The following SPRY3 variants were observed in gnomAD, a reference collection of about 807,000 sequenced individuals.
SPRY3 encodes protein sprouty homolog 3.
In SPRY3, 15 loss-of-function variants were observed where a neutral mutation model predicts 20.2. That is an observed-to-expected ratio of 0.74 (90% CI 0.50 to 1.14). SPRY3 has a LOEUF of 1.14. SPRY3 is among the 50% of genes most tolerant of loss of function. The pLI, the probability that SPRY3 is intolerant of heterozygous loss-of-function variation, is 0.00. For missense variants in SPRY3, 364 were observed against 363.9 expected (o/e 1.00, Z 0.00); for synonymous variants, 143 against 136.5 (o/e 1.05, Z -0.33).
intron 1 of SPRY3, among the ~76,000 whole-genome samples, chrX:155,631,753 A>G (rs1233790875): frequency 1.8e-5 from 2 of 111,064 alleles, no homozygotes; most frequent in Non-Finnish European, 3.8e-5. Flanking sequence ...TTGCATTTTT[A>G]GTTATAGGAT....
chrX:155,749,087 C>T (rs1288399164), intron 2 of SPRY3, among the ~76,000 whole-genome samples: 1 of 151,848 alleles, frequency 6.6e-6, no homozygotes, highest in Non-Finnish European at 1.5e-5. Flanking sequence ...ATGCCCAATA[C>T]ATAATTAAAT....
chrX:155,778,757 A>C (rs1168843604), downstream of SPRY3: 1 of 167,038 alleles, frequency 6.0e-6, no homozygotes, highest in Non-Finnish European at 1.5e-5. Context: ...CAATGTCAAC[A>C]TTTTATAGCT....
rs530878002 is a variant in SPRY3 at position 155,751,924 on chromosome X, G to GAAATAAAATAAAATAAAATA, written c.-281-15995_-281-15976dup. On this transcript the variant is annotated intron_variant, in intron 2 of 3. Transcript: ENST00000675360. ...GAAAGAAAAGGAAAGCAAGGGAAGGGAAATAAAATAAAATAAAATAAAATA... is the reference window on the plus strand; with the variant it reads ...GAAAGAAAAGGAAAGCAAGGGAAGGGAAATAAAATAAAATAAAATAAAATAAAATAAAATAAAATAAAATA... Among the ~76,000 whole-genome samples, 1,087 of 121,684 alleles carry GAAATAAAATAAAATAAAATA rather than the reference G, an allele frequency of 8.9e-3. 13 individuals carry two copies. Among genetic ancestry groups the GAAATAAAATAAAATAAAATA allele is most frequent in the Non-Finnish European group, 0.014 (780 of 56,564 alleles). The allele number at this position is 121,684 out of a possible 152,430, so 79.8% of individuals were successfully genotyped here. A position where few individuals can be genotyped will look rare whatever the true frequency, so the allele number is the denominator to read the frequency against.
chrX:155,752,105 A>G (rs770097317), intron 2 of SPRY3, among the ~76,000 whole-genome samples: 3 of 151,914 alleles, frequency 2.0e-5, no homozygotes, highest in South Asian at 2.1e-4. Context: ...AGTAGCAACA[A>G]TGGGAAGAAT....
chrX:155,742,203 CT>C (rs2091207120), intron 2 of SPRY3, among the ~76,000 whole-genome samples: 1 of 152,170 alleles, frequency 6.6e-6, no homozygotes, highest in African/African-American at 2.4e-5. Flanking sequence ...ATTATAGAGT[CT>C]GACAAAATAG....
At chrX:155,681,373 G>C (rs779218735) in intron 2 of SPRY3, among the ~76,000 whole-genome samples, 1 of 112,169 alleles carries the variant, frequency 8.9e-6, no homozygotes, top group African/African-American at 3.2e-5. Flanking sequence ...CCCCAACCAC[G>C]TGGAACTGTA....
chrX:155,695,714 T>C lies in SPRY3; in HGVS notation c.-282+38689T>C, dbSNP rs369882437. ...TATGAATCTATATTTACATTCATTT[T>C]CTTTTTCCTCTGTCACCTCTATTTT... On this transcript the variant is annotated intron_variant, in intron 2 of 3. Coordinates refer to ENST00000675360, the Ensembl canonical transcript of SPRY3. Among the ~76,000 whole-genome samples the C allele has an allele frequency of 1.4e-4, 16 of 111,391 alleles. 1 individual carries two copies. The East Asian group carries it at 3.9e-3, about 27-fold the overall frequency.
chrX:155,729,145 T>C (rs971879771), intron 2 of SPRY3, among the ~76,000 whole-genome samples: 3 of 152,182 alleles, frequency 2.0e-5, no homozygotes, highest in Non-Finnish European at 4.4e-5. Flanking sequence ...CTTTTAGCAT[T>C]GGACAGATAT....
chrX:155,636,801 T>C (rs997141502), intron 1 of SPRY3, among the ~76,000 whole-genome samples: 3 of 110,387 alleles, frequency 2.7e-5, no homozygotes, highest in African/African-American at 9.9e-5. Flanking sequence ...ATTGTGACTT[T>C]GTCACTTCTC....
intron 2 of SPRY3, among the ~76,000 whole-genome samples, chrX:155,733,052 A>T (rs1221735367): frequency 1.3e-5 from 2 of 152,008 alleles, no homozygotes. Flanking sequence ...AATGGGTACA[A>T]AACAGTAAAA....
At chrX:155,724,879 G>A (rs1340934659) in intron 2 of SPRY3, among the ~76,000 whole-genome samples, 1 of 152,126 alleles carries the variant, frequency 6.6e-6, no homozygotes, top group East Asian at 1.9e-4. Flanking sequence ...GTGAGAGAGG[G>A]CGTCCTTGTC....
exon 4 of SPRY3, chrX:155,773,889 A>G (rs780595513): frequency 6.2e-7 from 1 of 1,613,778 alleles, no homozygotes; most frequent in Non-Finnish European, 8.5e-7. Context: ...CTGCGGTGAC[A>G]GATGATTTTC....
chrX:155,751,511 C>A (rs2091261872), intron 2 of SPRY3, among the ~76,000 whole-genome samples: 1 of 151,866 alleles, frequency 6.6e-6, no homozygotes, highest in South Asian at 2.1e-4. Context: ...CATGTCAGGG[C>A]ATCTTACTGG....
chrX:155,696,069 A>T (rs2068117434), intron 2 of SPRY3, among the ~76,000 whole-genome samples: 1 of 110,659 alleles, frequency 9.0e-6, no homozygotes, highest in Non-Finnish European at 1.9e-5. Context: ...GTTCTGTTAT[A>T]TTTGTCCAAT....
chrX:155,664,606 A>T (rs1421426155), intron 2 of SPRY3, among the ~76,000 whole-genome samples: 1 of 110,890 alleles, frequency 9.0e-6, no homozygotes, highest in Non-Finnish European at 1.9e-5. Context: ...AAATCAGTGT[A>T]TGAAATGATG....
At chrX:155,763,125 C>T (rs770643331) in intron 2 of SPRY3, among the ~76,000 whole-genome samples, 1 of 151,240 alleles carries the variant, frequency 6.6e-6, no homozygotes, top group African/African-American at 2.5e-5. Flanking sequence ...CAAAAAAAAA[C>T]CCCTCATGTT....
intron 1 of SPRY3, among the ~76,000 whole-genome samples, chrX:155,629,988 T>C (rs1311619757): frequency 2.7e-5 from 3 of 111,905 alleles, no homozygotes; most frequent in Non-Finnish European, 3.8e-5. Flanking sequence ...TTTCTTCTAG[T>C]AGTTTCATAG....
chrX:155,711,475 A>T, intron 2 of SPRY3, among the ~76,000 whole-genome samples: 1 of 150,104 alleles, frequency 6.7e-6, no homozygotes, highest in Non-Finnish European at 1.5e-5. Context: ...TGATCCTTTG[A>T]ATTTCTGTGG....
intron 2 of SPRY3, among the ~76,000 whole-genome samples, chrX:155,754,424 C>T (rs1287552105): frequency 6.6e-6 from 1 of 151,986 alleles, no homozygotes; most frequent in East Asian, 1.9e-4. Context: ...TATTTCTGGA[C>T]TCTCAATTAT....
Sources: allele counts gnomAD v4.1 joint callset (sites outside exome capture counted in the v4.1 genomes callset), GRCh38; gene constraint gnomAD v4.1.1; transcripts MANE v1.5; gene names NCBI Gene and HGNC (gene_info 2026-07-23, HGNC 2026-07-21).